LPAR3: variants seen among roughly 807,000 people sequenced by gnomAD.
LPAR3 encodes lysophosphatidic acid receptor 3, also known as LPA receptor 3.
Under a neutral mutation model 17.8 loss-of-function variants are expected in LPAR3, and 7 were observed. That is an observed-to-expected ratio of 0.39 (90% CI 0.22 to 0.74). The LOEUF is 0.74. LPAR3 is among the 30% of genes least tolerant of loss of function. The probability of loss-of-function intolerance (pLI) is 0.40; values close to 1 mark genes in which losing one functional copy is unlikely to be tolerated. For synonymous variants in LPAR3, 179 were observed against 179.9 expected, an observed-to-expected ratio of 0.99 and a Z score of 0.04; for missense variants, 391 against 453.4, an observed-to-expected ratio of 0.86 and a Z score of 1.25.
intron 1 of LPAR3, among the ~76,000 whole-genome samples, chr1:84,891,043 A>C (rs1321292784): frequency 6.6e-6 from 1 of 152,228 alleles, no homozygotes; most frequent in Non-Finnish European, 1.5e-5. Context: ...CACACATGAA[A>C]AACAATCTCA....
chr1:84,844,168 T>C (rs1448329818), intron 2 of LPAR3, among the ~76,000 whole-genome samples: 1 of 152,238 alleles, frequency 6.6e-6, no homozygotes, highest in Non-Finnish European at 1.5e-5. Flanking sequence ...TATGAATGAA[T>C]GAATAAGAAT....
At chr1:84,819,279 T>C (rs1659004569) in intron 2 of LPAR3, among the ~76,000 whole-genome samples, 1 of 152,240 alleles carries the variant, frequency 6.6e-6, no homozygotes, top group African/African-American at 2.4e-5. Context: ...AAAATGTTAC[T>C]GTTATGGGAA....
intron 1 of LPAR3, among the ~76,000 whole-genome samples, chr1:84,874,369 G>A (rs940090776): frequency 1.3e-5 from 2 of 152,170 alleles, no homozygotes; most frequent in African/African-American, 4.8e-5. Context: ...TGGCACGTCA[G>A]GGGGCTCACC....
chr1:84,814,379 A>G (rs1051171810), intron 2 of LPAR3, among the ~76,000 whole-genome samples: 2 of 152,168 alleles, frequency 1.3e-5, no homozygotes, highest in East Asian at 3.9e-4. Context: ...ACTATCAATC[A>G]CATTTCATTT....
intron 1 of LPAR3, among the ~76,000 whole-genome samples, chr1:84,885,931 GGTATAA>G (rs1660451542): frequency 6.6e-6 from 1 of 152,070 alleles, no homozygotes; most frequent in Non-Finnish European, 1.5e-5. Flanking sequence ...TGAAATTGTA[GGTATAA>G]GTATGAATCA....
intron 2 of LPAR3, among the ~76,000 whole-genome samples, chr1:84,857,662 G>A (rs114269293): frequency 0.01 from 1,567 of 152,272 alleles, 10 homozygotes; most frequent in Non-Finnish European, 0.015. Context: ...TAGAAACCAA[G>A]GGAGATACAA....
chr1:84,888,157 C>T (rs868310622), intron 1 of LPAR3, among the ~76,000 whole-genome samples: 1 of 77,472 alleles, frequency 1.3e-5, no homozygotes, highest in Non-Finnish European at 2.4e-5. Context: ...TACATACACA[C>T]ACACACACAC....
At chr1:84,831,843 T>C (rs1659289962) in intron 2 of LPAR3, among the ~76,000 whole-genome samples, 1 of 149,392 alleles carries the variant, frequency 6.7e-6, no homozygotes, top group Non-Finnish European at 1.5e-5. Context: ...TATATATATA[T>C]ATAATATACA....
intron 2 of LPAR3, among the ~76,000 whole-genome samples, chr1:84,840,343 T>C (rs1659483115): frequency 2.0e-5 from 3 of 152,192 alleles, no homozygotes; most frequent in African/African-American, 7.2e-5. Context: ...AAAGTGACAA[T>C]TGTCAAATAT....
chr1:84,888,568 C>A (rs576190990), intron 1 of LPAR3, among the ~76,000 whole-genome samples: 1 of 152,340 alleles, frequency 6.6e-6, no homozygotes, highest in East Asian at 1.9e-4. Context: ...TGTCTGGGGG[C>A]AGCTCCAGAA....
In LPAR3 at chr1:84,813,763, A is replaced by G; in HGVS notation, c.*83T>C. 3.5e-6 allele frequency: 4 copies of G among 1,154,442 alleles called. No individual in the cohort carries two copies. Among genetic ancestry groups the G allele is most frequent in the Non-Finnish European group, 5.0e-6 (4 of 805,244 alleles). 71.5% of individuals were successfully genotyped at this position (1,154,442 alleles called of 1,614,324 possible). A position where few individuals can be genotyped will look rare whatever the true frequency, so the allele number is the denominator to read the frequency against. ...ATGGAGACCTCAAATAACACTGTAC[A>G]TGGGCTTTGTTAGAGACAGGTAATC... is the stretch of plus-strand genomic sequence containing the variant. On this transcript the variant is annotated 3_prime_UTR_variant, in exon 3 of 3. Coordinates refer to ENST00000370611, the MANE Select transcript of LPAR3 (RefSeq NM_012152.3).
intron 2 of LPAR3, among the ~76,000 whole-genome samples, chr1:84,831,572 ATTG>A (rs1341172697): frequency 6.6e-6 from 1 of 151,928 alleles, no homozygotes; most frequent in Non-Finnish European, 1.5e-5. Context: ...CAAAATATTT[ATTG>A]TTGTTTACAC....
At chr1:84,864,193 C>G (rs1659995874) in intron 2 of LPAR3, among the ~76,000 whole-genome samples, 1 of 150,298 alleles carries the variant, frequency 6.7e-6, no homozygotes, top group Non-Finnish European at 1.5e-5. Context: ...GCCTAGATGA[C>G]AGAGCCAGGT....
intron 1 of LPAR3, among the ~76,000 whole-genome samples, chr1:84,875,258 C>T (rs1279803403): frequency 1.3e-5 from 2 of 152,188 alleles, no homozygotes; most frequent in Non-Finnish European, 2.9e-5. Flanking sequence ...TCTTCTTATA[C>T]AAAGTACCTT....
Position 84,813,710 on chromosome 1 carries a change from A to T in LPAR3, c.*136T>A, listed in dbSNP as rs192317823. 4.2e-3 allele frequency: 3,034 copies of T among 718,558 alleles called. 17 individuals are homozygous for T. Among genetic ancestry groups the T allele is most frequent in the Middle Eastern group, 6.6e-3 (19 of 2,882 alleles). 44.5% of individuals were successfully genotyped at this position (718,558 alleles called of 1,614,324 possible). A position where few individuals can be genotyped will look rare whatever the true frequency, so the allele number is the denominator to read the frequency against. ...CCATGCTTTTAAACTATGAAAAAAA[A>T]TTTTTTAAAGAAATCTAGCAGTGAT... On this transcript the variant is annotated 3_prime_UTR_variant, in exon 3 of 3. Coordinates refer to ENST00000370611, the MANE Select transcript of LPAR3 (RefSeq NM_012152.3).
rs577385895 is a variant in LPAR3 at position 84,881,787 on chromosome 1, A to C, written c.-19+11229T>G. On this transcript the variant is annotated intron_variant, in intron 1 of 2. Transcript: ENST00000370611. ...GAGGAGAAGAGAGGCAATGCAGTAC[A>C]GCAGAAGAACACAGGATTTAGGTCC... is the stretch of plus-strand genomic sequence containing the variant. 5.9e-5 allele frequency among the ~76,000 whole-genome samples: 9 copies of C among 152,318 alleles called. No homozygotes were observed. The East Asian group carries it at 1.7e-3, about 29-fold the overall frequency.
intron 2 of LPAR3, among the ~76,000 whole-genome samples, chr1:84,818,820 G>A (rs752016742): frequency 6.6e-6 from 1 of 152,090 alleles, no homozygotes; most frequent in Non-Finnish European, 1.5e-5. Context: ...ATATTGTTTA[G>A]ATTGATCTGT....
chr1:84,856,025 C>G (rs184459537), intron 2 of LPAR3, among the ~76,000 whole-genome samples: 1 of 152,126 alleles, frequency 6.6e-6, no homozygotes, highest in African/African-American at 2.4e-5. Flanking sequence ...CCACGTTCCC[C>G]GTCAGAACAG....
At chr1:84,853,107 GAA>G (rs34146882) in intron 2 of LPAR3, among the ~76,000 whole-genome samples, 43,100 of 141,522 alleles carry the variant, frequency 0.3, 6,700 homozygotes, top group African/African-American at 0.39. Context: ...GAAAAGAAAA[GAA>G]AAAAAAAAAA....
Sources: allele counts gnomAD v4.1 joint callset (sites outside exome capture counted in the v4.1 genomes callset), GRCh38; gene constraint gnomAD v4.1.1; transcripts MANE v1.5; gene names NCBI Gene and HGNC (gene_info 2026-07-23, HGNC 2026-07-21).